TRPC1: variants seen among roughly 807,000 people sequenced by gnomAD.
TRPC1 encodes the protein short transient receptor potential channel 1.
TRPC1 carries 42 observed loss-of-function variants against 88.2 expected under a neutral mutation model. The observed-to-expected ratio is 0.48, with a 90% CI of 0.37 to 0.62. The LOEUF is 0.62. Ranked by LOEUF, TRPC1 falls within the 20% of genes least tolerant of loss-of-function variation. TRPC1 has a pLI of 0.00. For missense variants in TRPC1, 699 were observed against 957.3 expected (o/e 0.73, Z 3.56); for synonymous variants, 288 against 331.8 (o/e 0.87, Z 1.43).
At chr3:142,768,014 A>G (rs1935457853) in intron 4 of TRPC1, among the ~76,000 whole-genome samples, 1 of 151,766 alleles carries the variant, frequency 6.6e-6, no homozygotes, top group Admixed American at 6.6e-5. Flanking sequence ...TCATTTGCAT[A>G]TTGGTGTCAT....
At chr3:142,759,073 T>C (rs1935087851) in intron 4 of TRPC1, among the ~76,000 whole-genome samples, 1 of 152,120 alleles carries the variant, frequency 6.6e-6, no homozygotes, top group African/African-American at 2.4e-5. Flanking sequence ...TCCAGTCTAT[T>C]ATTGATGGAC....
intron 4 of TRPC1, among the ~76,000 whole-genome samples, chr3:142,762,035 T>C (rs1935199049): frequency 6.6e-6 from 1 of 152,016 alleles, no homozygotes; most frequent in Admixed American, 6.6e-5. Context: ...TCTTCTGTGG[T>C]TTTTGTTTTT....
chr3:142,772,718 C>T (rs1056222308), intron 4 of TRPC1, among the ~76,000 whole-genome samples: 10 of 152,042 alleles, frequency 6.6e-5, no homozygotes, highest in African/African-American at 1.2e-4. Flanking sequence ...ACCCAGGAGG[C>T]GGAGGCTGCA....
At chr3:142,777,988 T>G (rs1194558194) in intron 5 of TRPC1, among the ~76,000 whole-genome samples, 1 of 152,284 alleles carries the variant, frequency 6.6e-6, no homozygotes, top group South Asian at 2.1e-4. Context: ...TATAAACACC[T>G]TTAATCTCTT....
In TRPC1 at chr3:142,797,901, A is replaced by T. The variant is rs777262812; in HGVS notation, c.1582-4268A>T. 2.0e-5 allele frequency among the ~76,000 whole-genome samples: 3 copies of T among 152,128 alleles called. 1 individual carries two copies. Among genetic ancestry groups the T allele is most frequent in the Admixed American group, 2.0e-4 (3 of 15,256 alleles). ...CTAGTGAATTATTTGGTTTTACTGG[A>T]TAATTATCAGATTTAATTTAGTAGC... On this transcript the variant is annotated intron_variant, in intron 9 of 12. Coordinates refer to ENST00000476941, the MANE Select transcript of TRPC1 (RefSeq NM_001251845.2).
At chr3:142,787,135 T>C (rs1437888319) in intron 7 of TRPC1, among the ~76,000 whole-genome samples, 2 of 152,224 alleles carry the variant, frequency 1.3e-5, no homozygotes, top group Non-Finnish European at 2.9e-5. Context: ...ACTAGAAGAA[T>C]GCATGTGCAT....
At chr3:142,779,758 A>G (rs184956985) in intron 5 of TRPC1, among the ~76,000 whole-genome samples, 34 of 152,248 alleles carry the variant, frequency 2.2e-4, no homozygotes, top group African/African-American at 7.5e-4. Flanking sequence ...GAATAAAAAC[A>G]TTATTTTCTG....
At chr3:142,799,793 C>CT (rs1303766903) in intron 9 of TRPC1, among the ~76,000 whole-genome samples, 2 of 152,088 alleles carry the variant, frequency 1.3e-5, no homozygotes, top group African/African-American at 4.8e-5. Context: ...GAGTGAAACT[C>CT]TGTCTCTTAA....
chr3:142,764,470 T>C (rs1935316005), intron 4 of TRPC1, among the ~76,000 whole-genome samples: 1 of 152,170 alleles, frequency 6.6e-6, no homozygotes. Context: ...TGTCTCAGCT[T>C]TCATTTGTCT....
chr3:142,761,437 G>T (rs1265526006), intron 4 of TRPC1, among the ~76,000 whole-genome samples: 3 of 152,128 alleles, frequency 2.0e-5, no homozygotes, highest in Non-Finnish European at 4.4e-5. Context: ...ATCATGACAA[G>T]TGATCTTTTT....
intron 5 of TRPC1, among the ~76,000 whole-genome samples, chr3:142,778,674 T>G (rs1935864259): frequency 6.6e-6 from 1 of 152,110 alleles, no homozygotes; most frequent in South Asian, 2.1e-4. Context: ...CGGCTGCTAT[T>G]AGAGCCCCAT....
Position 142,806,273 on chromosome 3 carries a change from C to T in TRPC1, c.*38C>T, listed in dbSNP as rs1053431776. On this transcript the variant is annotated 3_prime_UTR_variant, in exon 13 of 13. Transcript: ENST00000476941. The stretch of plus-strand genomic sequence containing the variant: ...TCATGGAGCGAATAATTTTCAATAA[C>T]AGATCCAAAAGACTATATTGCATAA... 1 of 1,516,890 alleles carries T rather than the reference C, an allele frequency of 6.6e-7. No individual in the cohort carries two copies. Among genetic ancestry groups the T allele is most frequent in the African/African-American group, 1.4e-5 (1 of 72,466 alleles). The allele number at this position is 1,516,890 out of a possible 1,614,324, so 94.0% of individuals were successfully genotyped here.
intron 4 of TRPC1, among the ~76,000 whole-genome samples, chr3:142,765,409 T>A (rs1223817837): frequency 6.6e-6 from 1 of 152,170 alleles, no homozygotes; most frequent in Non-Finnish European, 1.5e-5. Flanking sequence ...TCACATTACC[T>A]GACTTCAAAC....
chr3:142,749,222 G>T (rs910924082), intron 4 of TRPC1, among the ~76,000 whole-genome samples: 1 of 152,148 alleles, frequency 6.6e-6, no homozygotes, highest in African/African-American at 2.4e-5. Context: ...ACTCACGTTT[G>T]TGGTGATGCT....
At position 142,736,478 on chromosome 3, in the gene TRPC1, C is replaced by G; in HGVS notation, c.272C>G (p.Thr91Ser). ...CTTGGGAGAAATGCTGTTACCATAA[C>G]TATTGAAAACGAAAACTTGGATATA... The part of the protein sequence containing the change: ...DVLGRNAVTI[T>S]IENENLDILQ... The change falls in exon 2 of 13, where the codon ACT (threonine) becomes AGT (serine). Residue 91 changes from threonine to serine, a missense_variant. By Grantham distance (58) the Thr-to-Ser change is moderately conservative. Around this residue, in one of 4 missense-constraint regions of TRPC1, gnomAD observed 157 missense variants for 127.0 expected, o/e 1.24. Coordinates refer to ENST00000476941, the MANE Select transcript of TRPC1 (RefSeq NM_001251845.2). The G allele has an allele frequency of 6.2e-7, 1 of 1,612,298 alleles. No individual in the cohort carries two copies. Among genetic ancestry groups the G allele is most frequent in the Non-Finnish European group, 8.5e-7 (1 of 1,179,358 alleles).
In TRPC1 at chr3:142,806,189, T is replaced by C; in HGVS notation, c.2336T>C (p.Leu779Pro). ...TTCCGAAATGAAATAAGGGATTTAC[T>C]TGGCTTTCGGACTTCTAAATATGCT... is the stretch of plus-strand genomic sequence containing the variant. ...SKFRNEIRDL[L>P]GFRTSKYAMF... The change falls in exon 13 of 13, where the codon CTT becomes CCT. Residue 779 changes from leucine (L) to proline (P), a missense_variant. Transcript: ENST00000476941. 6.2e-7 allele frequency: 1 copy of C among 1,613,456 alleles called. No individual in the cohort carries two copies. Among genetic ancestry groups the C allele is most frequent in the Non-Finnish European group, 8.5e-7 (1 of 1,179,486 alleles).
chr3:142,796,726 A>C (rs1270876715), intron 9 of TRPC1, among the ~76,000 whole-genome samples: 1 of 152,168 alleles, frequency 6.6e-6, no homozygotes, highest in African/African-American at 2.4e-5. Context: ...CACAAAGTTA[A>C]GTGTAATAAA....
chr3:142,762,164 T>A (rs981512051), intron 4 of TRPC1, among the ~76,000 whole-genome samples: 2 of 151,996 alleles, frequency 1.3e-5, no homozygotes, highest in Non-Finnish European at 2.9e-5. Context: ...GCCCTTCAAG[T>A]AGCTGGGACT....
At chr3:142,787,246 G>A (rs1178273263) in intron 7 of TRPC1, among the ~76,000 whole-genome samples, 1 of 152,106 alleles carries the variant, frequency 6.6e-6, no homozygotes, top group Non-Finnish European at 1.5e-5. Context: ...GTCTTCTTAA[G>A]CCTTTTATGT....
Sources: allele counts gnomAD v4.1 joint callset (sites outside exome capture counted in the v4.1 genomes callset), GRCh38; gene constraint gnomAD v4.1.1; regional missense constraint gnomAD v4.1.1; transcripts MANE v1.5; gene names NCBI Gene and HGNC (gene_info 2026-07-23, HGNC 2026-07-21).